GOT1: variants seen among roughly 807,000 people sequenced by gnomAD.
The protein encoded by GOT1 is glutamic-oxaloacetic transaminase 1.
In GOT1, 25 loss-of-function variants were observed where a neutral mutation model predicts 48.2. The ratio of observed to expected loss-of-function variants is 0.52; its 90% CI spans 0.38 to 0.72. The LOEUF is 0.72. Among genes scored for constraint, GOT1 ranks in the 30% least tolerant of loss-of-function variants. The pLI is 0.00. For missense variants in GOT1, 380 were observed against 520.1 expected (o/e 0.73, Z 2.62); for synonymous variants, 188 against 193.8 (o/e 0.97, Z 0.25).
chr10:99,420,816 GAA>G lies in GOT1; in HGVS notation c.119-13_119-12del. ...CATCCGTGCGATATGCTGGAGAATG[GAA>G]AAGAGTTATACATAGTGGAGGCTCA... On this transcript the variant is annotated splice_polypyrimidine_tract_variant and intron_variant, in intron 1 of 8. Coordinates refer to ENST00000370508, the MANE Select transcript of GOT1 (RefSeq NM_002079.3). The G allele has an allele frequency of 6.2e-7, 1 of 1,609,420 alleles. No homozygotes were observed. Among genetic ancestry groups the G allele is most frequent in the Admixed American group, 1.7e-5 (1 of 59,800 alleles).
intron 2 of GOT1, chr10:99,420,248 T>C (rs987830283): frequency 2.9e-5 from 5 of 175,410 alleles, no homozygotes; most frequent in Non-Finnish European, 6.1e-5. Context: ...CTATGTGGTC[T>C]TTTTCTAACA....
rs1259138105 is a variant in GOT1, at chr10:99,405,742, G to A, written c.642+14C>T. 2.4e-6 allele frequency: 3 copies of A among 1,225,984 alleles called. No homozygotes were observed. Among genetic ancestry groups the A allele is most frequent in the Non-Finnish European group, 3.6e-6 (3 of 825,376 alleles). 75.9% of individuals were successfully genotyped at this position (1,225,984 alleles called of 1,614,324 possible). A position where few individuals can be genotyped will look rare whatever the true frequency, so the allele number is the denominator to read the frequency against. On this transcript the variant is annotated intron_variant, in intron 5 of 8. Transcript: ENST00000370508. The stretch of plus-strand genomic sequence containing the variant: ...TATACTATTTTTTAAGAGATGCTCT[G>A]AAGGGGCAGTTACCTTCATGACAGA...
At position 99,397,707 on chromosome 10, in the gene GOT1, A is replaced by T; in HGVS notation, c.1103-21T>A. 1 of 1,612,982 alleles carries T rather than the reference A, an allele frequency of 6.2e-7. No individual in the cohort carries two copies. Among genetic ancestry groups the T allele is most frequent in the Non-Finnish European group, 8.5e-7 (1 of 1,178,948 alleles). On this transcript the variant is annotated intron_variant, in intron 8 of 8. Coordinates refer to ENST00000370508, the MANE Select transcript of GOT1 (RefSeq NM_002079.3). This position sits in a 1 kb window ranked among gnomAD's most constrained non-coding sequence, Gnocchi z 5.4. ...CTTGGCTGTTGAAAACCAAAAGAAG[A>T]CATAATCAGAGCAGAGGGGATCCTT...
At chr10:99,417,475 G>C (rs1352759824) in intron 2 of GOT1, among the ~76,000 whole-genome samples, 1 of 152,220 alleles carries the variant, frequency 6.6e-6, no homozygotes, top group Non-Finnish European at 1.5e-5. Flanking sequence ...CTTTTACACT[G>C]TTGGTGGGAC....
Position 99,403,609 on chromosome 10 carries a change from C to T in GOT1, c.819G>A (p.Val273=), listed in dbSNP as rs41290500. 3.7e-4 allele frequency: 590 copies of T among 1,614,070 alleles called. No homozygotes were observed. The highest frequency in any genetic ancestry group is 4.5e-4 in the Non-Finnish European group (534 of 1,179,996). ...LYNERVGNLT[V]VGKEPESILQ... is the part of the protein sequence containing the mutation. ...GGATGCTCTCAGGTTCTTTTCCAAC[C>T]ACAGTCAGATTCCCGACTCTCTCAT... The change falls in exon 7 of 9, where the codon GTG becomes GTA. Residue 273 remains valine (V), a synonymous_variant. Coordinates refer to ENST00000370508, the MANE Select transcript of GOT1 (RefSeq NM_002079.3).
At position 99,413,721 on chromosome 10, in the gene GOT1, G is replaced by A. The variant is rs531469214; in HGVS notation, c.301-6872C>T. 4.6e-3 allele frequency among the ~76,000 whole-genome samples: 700 copies of A among 152,170 alleles called. 2 individuals are homozygous for A. Among genetic ancestry groups the A allele is most frequent in the Middle Eastern group, 0.034 (10 of 294 alleles). On this transcript the variant is annotated intron_variant, in intron 2 of 8. Transcript: ENST00000370508. Reference sequence around the variant, plus strand: ...TCGGGTTACCCACAAAGGGAAGCCCGTCACACTAACAGCTGATCTCTCAGC... The same window carrying A: ...TCGGGTTACCCACAAAGGGAAGCCCATCACACTAACAGCTGATCTCTCAGC...
chr10:99,406,936 T>C, intron 2 of GOT1, 87 bp from the exon 3 acceptor site: 3 of 1,247,468 alleles, frequency 2.4e-6, no homozygotes, highest in South Asian at 1.3e-5. Context: ...GCACTTACTC[T>C]ATGCCTGCTC....
At chr10:99,423,335 C>T (rs2134109264) in intron 1 of GOT1, among the ~76,000 whole-genome samples, 1 of 152,208 alleles carries the variant, frequency 6.6e-6, no homozygotes, top group Admixed American at 6.5e-5. Context: ...CTATTATAAA[C>T]ATTGTGATAA....
At chr10:99,401,250 T>G (rs2032673701) in intron 8 of GOT1, among the ~76,000 whole-genome samples, 1 of 152,218 alleles carries the variant, frequency 6.6e-6, no homozygotes, top group Non-Finnish European at 1.5e-5. Flanking sequence ...CAAGAGGACA[T>G]CTACAGCTAA....
chr10:99,417,514 T>C (rs942397131), intron 2 of GOT1, among the ~76,000 whole-genome samples: 5 of 152,178 alleles, frequency 3.3e-5, no homozygotes, highest in African/African-American at 9.7e-5. Flanking sequence ...TTGTGGAAGA[T>C]AGTGTGGTGA....
chr10:99,424,595 T>C (rs2033014102), intron 1 of GOT1, among the ~76,000 whole-genome samples: 1 of 152,210 alleles, frequency 6.6e-6, no homozygotes, highest in African/African-American at 2.4e-5. Context: ...TAATGTGCTA[T>C]GAATAAATAA....
At position 99,397,740 on chromosome 10, in the gene GOT1, T is replaced by G. The variant is rs1484301644; in HGVS notation, c.1103-54A>C. ...AGAGCAGAGGGGATCCTTAAAGCAGTGGAGGCTCAGCAATTATATGACAAT... is the reference window on the plus strand; with the variant it reads ...AGAGCAGAGGGGATCCTTAAAGCAGGGGAGGCTCAGCAATTATATGACAAT... On this transcript the variant is annotated intron_variant, in intron 8 of 8. Coordinates refer to ENST00000370508, the MANE Select transcript of GOT1 (RefSeq NM_002079.3). The surrounding 1 kb of genome is among the most constrained non-coding windows in gnomAD (Gnocchi z 5.4). 1 of 1,548,174 alleles carries G rather than the reference T, an allele frequency of 6.5e-7. No individual in the cohort carries two copies. Among genetic ancestry groups the G allele is most frequent in the Non-Finnish European group, 8.9e-7 (1 of 1,122,258 alleles).
intron 1 of GOT1, among the ~76,000 whole-genome samples, chr10:99,422,378 G>A (rs1018109090): frequency 6.6e-6 from 1 of 152,110 alleles, no homozygotes; most frequent in Non-Finnish European, 1.5e-5. Flanking sequence ...TTATAGCAGT[G>A]TGAGAACTAA....
At position 99,430,561 on chromosome 10, in the gene GOT1, G is replaced by A; in HGVS notation, c.5C>T (p.Ala2Val). Residue 2 changes from alanine to valine, a missense_variant, in exon 1 of 9, where the codon GCA (alanine) becomes GTA (valine). Transcript: ENST00000370508. ...AACCTCGGCAAAGACTGACGGAGGTGCCATATCGAGAGACTAGGAATCAAG... is the reference window on the plus strand; with the variant it reads ...AACCTCGGCAAAGACTGACGGAGGTACCATATCGAGAGACTAGGAATCAAG... MAPPSVFAEVPQ... is the reference protein window; with the variant it reads MVPPSVFAEVPQ... The A allele has an allele frequency of 6.3e-7, 1 of 1,596,936 alleles. No individual in the cohort carries two copies. Among genetic ancestry groups the A allele is most frequent in the Non-Finnish European group, 8.5e-7 (1 of 1,170,328 alleles).
rs184178628 is a variant in GOT1 at position 99,430,033 on chromosome 10, A to G, written c.118+415T>C. ...TCACTCAAATATTTACCGACTCAGAACAGAGCTTTCTAGCGTTAAAAGTTC... is the reference window on the plus strand; with the variant it reads ...TCACTCAAATATTTACCGACTCAGAGCAGAGCTTTCTAGCGTTAAAAGTTC... On this transcript the variant is annotated intron_variant, in intron 1 of 8. Coordinates refer to ENST00000370508, the MANE Select transcript of GOT1 (RefSeq NM_002079.3). Among the ~76,000 whole-genome samples, 198 of 152,330 alleles carry G rather than the reference A, an allele frequency of 1.3e-3. 2 individuals carry two copies. The highest frequency in any genetic ancestry group is 0.01 in the Middle Eastern group (3 of 294).
intron 2 of GOT1, among the ~76,000 whole-genome samples, chr10:99,410,514 T>C (rs570944986): frequency 4.0e-4 from 61 of 152,340 alleles, no homozygotes; most frequent in African/African-American, 1.4e-3. Flanking sequence ...ACATTAAAAA[T>C]GTGCTTAGAA....
intron 8 of GOT1, among the ~76,000 whole-genome samples, chr10:99,398,261 G>T (rs1274538277): frequency 6.6e-6 from 1 of 152,216 alleles, no homozygotes; most frequent in Non-Finnish European, 1.5e-5. Context: ...AGATGCAGTA[G>T]TTTTTCCATG....
At position 99,403,509 on chromosome 10, in the gene GOT1, C is replaced by T; in HGVS notation, c.919G>A (p.Val307Met). Residue 307 changes from valine (V) to methionine (M), a missense_variant, in exon 7 of 9, where the codon GTG (valine) becomes ATG (methionine). Coordinates refer to ENST00000370508, the MANE Select transcript of GOT1 (RefSeq NM_002079.3). ...SNPPAQGARI[V>M]ASTLSNPELF... ...TCAGGGTTAGAGAGGGTGCTGGCCACAATTCGTGCTCCCTGGGCGGGGGGA... is the reference window on the plus strand; with the variant it reads ...TCAGGGTTAGAGAGGGTGCTGGCCATAATTCGTGCTCCCTGGGCGGGGGGA... The T allele has an allele frequency of 1.2e-6, 2 of 1,614,112 alleles. No individual in the cohort carries two copies. The highest frequency in any genetic ancestry group is 1.7e-6 in the Non-Finnish European group (2 of 1,180,010).
intron 8 of GOT1, among the ~76,000 whole-genome samples, chr10:99,399,424 C>A (rs2032642354): frequency 6.6e-6 from 1 of 152,164 alleles, no homozygotes; most frequent in South Asian, 2.1e-4. Flanking sequence ...AAGCATCAAT[C>A]ATCTGGCCAT....
Sources: gnomAD v4.1 joint callset for allele counts (sites outside exome capture counted in the v4.1 genomes callset) on GRCh38, gnomAD v4.1.1 for gene constraint, Gnocchi (gnomAD v3.1) non-coding constraint, MANE v1.5 for transcripts, NCBI Gene and HGNC (gene_info 2026-07-23, HGNC 2026-07-21) for gene names.